The following ST6GALNAC3 variants were observed in gnomAD, a reference collection of about 807,000 sequenced individuals.
The protein encoded by ST6GALNAC3 is ST6 N-acetylgalactosaminide alpha-2,6-sialyltransferase 3, also known as alpha-N-acetylgalactosaminide alpha-2,6-sialyltransferase 3.
In ST6GALNAC3, 25 loss-of-function variants were observed where a neutral mutation model predicts 32.7. The ratio of observed to expected loss-of-function variants is 0.76; its 90% CI spans 0.56 to 1.07. The LOEUF (loss-of-function observed/expected upper bound fraction) is 1.07, where lower values mean the gene tolerates loss of function less well. Ranked by LOEUF, ST6GALNAC3 falls within the 50% of genes least tolerant of loss-of-function variation. The probability of loss-of-function intolerance (pLI) is 0.00; values close to 1 mark genes in which losing one functional copy is unlikely to be tolerated. For missense variants in ST6GALNAC3, 355 were observed against 382.4 expected (o/e 0.93, Z 0.60); for synonymous variants, 129 against 133.1 (o/e 0.97, Z 0.21).
intron 3 of ST6GALNAC3, among the ~76,000 whole-genome samples, chr1:76,489,675 C>G (rs1660366550): frequency 6.6e-6 from 1 of 152,144 alleles, no homozygotes; most frequent in Admixed American, 6.6e-5. Flanking sequence ...AAAGGTGGAG[C>G]CCTGCTTCAA....
chr1:76,108,558 A>G (rs778066048), intron 1 of ST6GALNAC3, among the ~76,000 whole-genome samples: 1 of 152,244 alleles, frequency 6.6e-6, no homozygotes, highest in Non-Finnish European at 1.5e-5. Context: ...GTGTTTGCTC[A>G]TCACTGAAGC....
At chr1:76,295,495 T>C (rs1226368641) in intron 1 of ST6GALNAC3, among the ~76,000 whole-genome samples, 1 of 152,078 alleles carries the variant, frequency 6.6e-6, no homozygotes, top group Non-Finnish European at 1.5e-5. Context: ...AGAGAGAGAA[T>C]AGGGAGTAAG....
chr1:76,102,133 A>G (rs1020837146), intron 1 of ST6GALNAC3, among the ~76,000 whole-genome samples: 2 of 152,050 alleles, frequency 1.3e-5, no homozygotes, highest in African/African-American at 4.8e-5. Flanking sequence ...ATTACAAAGG[A>G]TCTTCCATAT....
chr1:76,416,136 A>T (rs1654609413), intron 3 of ST6GALNAC3, among the ~76,000 whole-genome samples: 1 of 151,988 alleles, frequency 6.6e-6, no homozygotes, highest in Non-Finnish European at 1.5e-5. Flanking sequence ...CACTTTAAGG[A>T]TATTTTGCAT....
chr1:76,612,624 G>A (rs1648011099), intron 3 of ST6GALNAC3, among the ~76,000 whole-genome samples: 1 of 152,140 alleles, frequency 6.6e-6, no homozygotes, highest in South Asian at 2.1e-4. Context: ...AACCATGGTT[G>A]AGAGCACTTA....
intron 1 of ST6GALNAC3, among the ~76,000 whole-genome samples, chr1:76,170,870 C>G (rs1029640685): frequency 1.2e-4 from 18 of 152,188 alleles, no homozygotes; most frequent in Non-Finnish European, 2.2e-4. Context: ...GTTGTGGTCT[C>G]TCAGGAGTGA....
intron 3 of ST6GALNAC3, among the ~76,000 whole-genome samples, chr1:76,492,874 C>G (rs1249174142): frequency 6.6e-6 from 1 of 152,136 alleles, no homozygotes; most frequent in Non-Finnish European, 1.5e-5. Context: ...GTACCTTCAC[C>G]TGTTCTACTA....
chr1:76,416,555 A>G (rs899898252), intron 3 of ST6GALNAC3, among the ~76,000 whole-genome samples: 1 of 151,916 alleles, frequency 6.6e-6, no homozygotes, highest in Non-Finnish European at 1.5e-5. Context: ...AATTGTAAAA[A>G]TACTTAAAAA....
intron 1 of ST6GALNAC3, among the ~76,000 whole-genome samples, chr1:76,280,790 C>T (rs1358270732): frequency 6.6e-6 from 1 of 152,134 alleles, no homozygotes; most frequent in Non-Finnish European, 1.5e-5. Flanking sequence ...CTACTTGAAC[C>T]TTTTCTTTTC....
At position 76,629,439 on chromosome 1, in the gene ST6GALNAC3, C is replaced by T. The variant is rs1649181173; in HGVS notation, c.*633C>T. ...CTACACTTCAGGATTACTTGACTAT[C>T]TCAAACACATAAATCAAAATGGGCC... On this transcript the variant is annotated 3_prime_UTR_variant, in exon 5 of 5. Transcript: ENST00000328299. The T allele has an allele frequency of 1.0e-6, 1 of 985,608 alleles. No individual in the cohort carries two copies. Among genetic ancestry groups the T allele is most frequent in the Non-Finnish European group, 1.2e-6 (1 of 829,810 alleles). The allele number at this position is 985,608 out of a possible 1,614,324, so 61.1% of individuals were successfully genotyped here.
At chr1:76,492,106 A>G (rs1660539253) in intron 3 of ST6GALNAC3, among the ~76,000 whole-genome samples, 1 of 152,200 alleles carries the variant, frequency 6.6e-6, no homozygotes, top group Middle Eastern at 3.4e-3. Context: ...AAGTGAAGTA[A>G]CCTGCACCAT....
At chr1:76,123,227 C>T (rs1649002835) in intron 1 of ST6GALNAC3, among the ~76,000 whole-genome samples, 1 of 151,992 alleles carries the variant, frequency 6.6e-6, no homozygotes, top group Non-Finnish European at 1.5e-5. Context: ...CAAAAATTAG[C>T]TGGGCATGGT....
chr1:76,299,087 G>A (rs779954304), intron 1 of ST6GALNAC3, among the ~76,000 whole-genome samples: 1 of 151,944 alleles, frequency 6.6e-6, no homozygotes, highest in South Asian at 2.1e-4. Context: ...AAGAATACAG[G>A]GCCACCTTCA....
At chr1:76,575,419 G>A (rs752757392) in intron 3 of ST6GALNAC3, among the ~76,000 whole-genome samples, 2 of 152,024 alleles carry the variant, frequency 1.3e-5, no homozygotes, top group Admixed American at 6.6e-5. Flanking sequence ...GAGCACTCAC[G>A]CTGTATCAGA....
At chr1:76,241,294 A>G (rs1656949462) in intron 1 of ST6GALNAC3, among the ~76,000 whole-genome samples, 1 of 152,220 alleles carries the variant, frequency 6.6e-6, no homozygotes, top group Admixed American at 6.5e-5. Context: ...CAATTCTGAT[A>G]TCTAGGAAAG....
At chr1:76,213,069 A>C (rs1473010089) in intron 1 of ST6GALNAC3, among the ~76,000 whole-genome samples, 3 of 152,186 alleles carry the variant, frequency 2.0e-5, no homozygotes, top group Non-Finnish European at 4.4e-5. Context: ...AATAATCCGA[A>C]TTAGGGATAG....
At chr1:76,375,017 G>C (rs2101092337) in intron 2 of ST6GALNAC3, among the ~76,000 whole-genome samples, 1 of 152,194 alleles carries the variant, frequency 6.6e-6, no homozygotes, top group Middle Eastern at 3.4e-3. Flanking sequence ...TTAAATACCT[G>C]TTTCAAGAGG....
chr1:76,257,451 A>C (rs1268817251), intron 1 of ST6GALNAC3, among the ~76,000 whole-genome samples: 31 of 152,078 alleles, frequency 2.0e-4, no homozygotes, highest in Admixed American at 2.0e-3. Context: ...TTTGGGGTGG[A>C]ATCCAGGCAT....
chr1:76,478,175 C>G (rs1324252908), intron 3 of ST6GALNAC3, among the ~76,000 whole-genome samples: 3 of 152,174 alleles, frequency 2.0e-5, no homozygotes, highest in Non-Finnish European at 4.4e-5. Context: ...ATCTGATTCT[C>G]TGCTGTTTGC....
Sources: gnomAD v4.1 joint callset for allele counts (sites outside exome capture counted in the v4.1 genomes callset) on GRCh38, gnomAD v4.1.1 for gene constraint, MANE v1.5 for transcripts, NCBI Gene and HGNC (gene_info 2026-07-23, HGNC 2026-07-21) for gene names.